C1GALT1: variants seen among roughly 807,000 people sequenced by gnomAD.
The protein encoded by C1GALT1 is core 1 synthase, glycoprotein-N-acetylgalactosamine 3-beta-galactosyltransferase 1.
In C1GALT1, 11 loss-of-function variants were observed where a neutral mutation model predicts 31.0. That is an observed-to-expected ratio of 0.36 (90% CI 0.22 to 0.59). C1GALT1 has a LOEUF of 0.59. C1GALT1 is among the 20% of genes least tolerant of loss of function. The probability of loss-of-function intolerance (pLI) is 0.79; values close to 1 mark genes in which losing one functional copy is unlikely to be tolerated. For synonymous variants in C1GALT1, 175 were observed against 143.6 expected, an observed-to-expected ratio of 1.22 and a Z score of -1.56; for missense variants, 424 against 425.2, an observed-to-expected ratio of 1.00 and a Z score of 0.03.
chr7:7,223,125 T>C (rs1782588177), intron 1 of C1GALT1, among the ~76,000 whole-genome samples: 1 of 152,158 alleles, frequency 6.6e-6, no homozygotes, highest in South Asian at 2.1e-4. Context: ...TCTGGGATAA[T>C]AACATTTCTG....
At chr7:7,208,480 T>A (rs570710182) in intron 1 of C1GALT1, among the ~76,000 whole-genome samples, 1 of 152,312 alleles carries the variant, frequency 6.6e-6, no homozygotes, top group South Asian at 2.1e-4. Flanking sequence ...AGTGAATTTC[T>A]ATTTTCCCTT....
intron 1 of C1GALT1, among the ~76,000 whole-genome samples, chr7:7,201,053 G>C (rs189946174): frequency 6.6e-6 from 1 of 152,244 alleles, no homozygotes; most frequent in African/African-American, 2.4e-5. Flanking sequence ...GCGAGGAGCT[G>C]CGTTCCTTTG....
chr7:7,195,845 G>A (rs768662522), intron 1 of C1GALT1, among the ~76,000 whole-genome samples: 7 of 152,034 alleles, frequency 4.6e-5, no homozygotes, highest in Non-Finnish European at 8.8e-5. Context: ...ATAAATTAGG[G>A]AACTCCAATG....
chr7:7,245,413 G>A lies in C1GALT1; in HGVS notation c.*1686G>A, dbSNP rs540802388. ...GGCTGGTCTTGAACTCCTGACCTCA[G>A]GTGATCCACCCACCTTGGCATCCCA... On this transcript the variant is annotated 3_prime_UTR_variant, in exon 4 of 4. Transcript: ENST00000436587. The A allele has an allele frequency of 6.6e-6, 1 of 152,320 alleles. No individual in the cohort carries two copies. Among genetic ancestry groups the A allele is most frequent in the South Asian group, 2.1e-4 (1 of 4,826 alleles). The allele number at this position is 152,320 out of a possible 1,614,324, so 9.4% of individuals were successfully genotyped here.
chr7:7,232,343 CT>C (rs1181846842), intron 1 of C1GALT1, among the ~76,000 whole-genome samples: 7 of 152,172 alleles, frequency 4.6e-5, no homozygotes, highest in African/African-American at 1.7e-4. Flanking sequence ...TTGGTTTGTA[CT>C]TTTGCTTTCA....
At chr7:7,239,259 A>G (rs1042691437) in intron 3 of C1GALT1, among the ~76,000 whole-genome samples, 18 of 152,352 alleles carry the variant, frequency 1.2e-4, no homozygotes, top group African/African-American at 4.3e-4. Context: ...GGATTTTAGT[A>G]GTAAGTGCCC....
chr7:7,203,419 G>C (rs1237450639), intron 1 of C1GALT1, among the ~76,000 whole-genome samples: 2 of 151,980 alleles, frequency 1.3e-5, no homozygotes, highest in Non-Finnish European at 2.9e-5. Context: ...AATTTTGTCA[G>C]ATACTTTTTC....
At chr7:7,176,714 A>T (rs1461699636) in intron 2 of C1GALT1, among the ~76,000 whole-genome samples, 1 of 152,046 alleles carries the variant, frequency 6.6e-6, no homozygotes, top group Admixed American at 6.6e-5. Flanking sequence ...CTCCATCTTA[A>T]CCCTATTCCT....
chr7:7,181,958 CCA>C (rs1780598628), upstream of C1GALT1, among the ~76,000 whole-genome samples: 1 of 152,154 alleles, frequency 6.6e-6, no homozygotes, highest in Non-Finnish European at 1.5e-5. Context: ...GCTCTTCCGG[CCA>C]TTGCCCCACA....
chr7:7,200,591 T>C (rs1334101309), intron 1 of C1GALT1, among the ~76,000 whole-genome samples: 1 of 152,196 alleles, frequency 6.6e-6, no homozygotes. Context: ...TGAAGAGTGT[T>C]TTCCAGCTTG....
chr7:7,218,181 GC>G (rs1249375804), intron 1 of C1GALT1, among the ~76,000 whole-genome samples: 1 of 152,130 alleles, frequency 6.6e-6, no homozygotes, highest in African/African-American at 2.4e-5. Context: ...ACAAAATCAG[GC>G]CAGGCACTCC....
intron 1 of C1GALT1, among the ~76,000 whole-genome samples, chr7:7,199,965 G>A (rs994809565): frequency 1.3e-5 from 2 of 152,146 alleles, no homozygotes; most frequent in Non-Finnish European, 2.9e-5. Flanking sequence ...CCTGAATACA[G>A]CACACTGATG....
In C1GALT1 at chr7:7,247,060, A is replaced by C. The variant is rs528821933; in HGVS notation, c.*3333A>C. ...AGTACATAATTTATTAAAAACATAC[A>C]TAAGTGTCATCAAAAAGGTCCACAA... is the stretch of plus-strand genomic sequence containing the variant. On this transcript the variant is annotated 3_prime_UTR_variant, in exon 4 of 4. Coordinates refer to ENST00000436587, the MANE Select transcript of C1GALT1 (RefSeq NM_020156.5). The C allele has an allele frequency of 1.5e-4, 23 of 152,316 alleles. No individual in the cohort carries two copies. Among genetic ancestry groups the C allele is most frequent in the African/African-American group, 5.3e-4 (22 of 41,580 alleles). The allele number at this position is 152,316 out of a possible 1,614,324, so 9.4% of individuals were successfully genotyped here.
chr7:7,214,972 C>T (rs141626841), intron 1 of C1GALT1, among the ~76,000 whole-genome samples: 121 of 152,268 alleles, frequency 7.9e-4, no homozygotes, highest in African/African-American at 2.8e-3. Context: ...GTAAACCCTG[C>T]CTCTGATGGA....
intron 1 of C1GALT1, among the ~76,000 whole-genome samples, chr7:7,228,420 A>G (rs546643787): frequency 6.6e-6 from 1 of 152,342 alleles, no homozygotes; most frequent in East Asian, 1.9e-4. Context: ...CTTGGCATAA[A>G]GAACTTCCCC....
In C1GALT1 at chr7:7,238,001, T is replaced by G. The variant is rs554792846; in HGVS notation, c.221-254T>G. Among the ~76,000 whole-genome samples the G allele has an allele frequency of 6.6e-6, 1 of 152,286 alleles. No individual in the cohort carries two copies. The highest frequency in any genetic ancestry group is 1.5e-5 in the Non-Finnish European group (1 of 68,012). ...ATGCTGCTGCTTTTAATCAGTAAAC[T>G]ACAGTTTGAGACGAATTTAGATTAT... On this transcript the variant is annotated intron_variant, in intron 2 of 3. Coordinates refer to ENST00000436587, the MANE Select transcript of C1GALT1 (RefSeq NM_020156.5). The surrounding 1 kb of genome is among the most constrained non-coding windows in gnomAD (Gnocchi z 5.2).
upstream of C1GALT1, among the ~76,000 whole-genome samples, chr7:7,179,629 G>T (rs905810808): frequency 6.6e-6 from 1 of 152,082 alleles, no homozygotes; most frequent in Admixed American, 6.6e-5. Context: ...AATTGCATTT[G>T]ATACTTACAA....
chr7:7,160,082 T>C (rs1780318401), intron 2 of C1GALT1, among the ~76,000 whole-genome samples: 1 of 152,140 alleles, frequency 6.6e-6, no homozygotes, highest in Non-Finnish European at 1.5e-5. Flanking sequence ...TAGTTAAATT[T>C]CCTGATTCTT....
intron 2 of C1GALT1, among the ~76,000 whole-genome samples, chr7:7,170,998 T>A (rs1176716959): frequency 6.6e-6 from 1 of 152,214 alleles, no homozygotes; most frequent in Non-Finnish European, 1.5e-5. Flanking sequence ...TTCAACTTTT[T>A]AAAATTTATT....
Sources: allele counts gnomAD v4.1 joint callset (sites outside exome capture counted in the v4.1 genomes callset), GRCh38; gene constraint gnomAD v4.1.1; non-coding constraint Gnocchi (gnomAD v3.1); transcripts MANE v1.5; gene names NCBI Gene and HGNC (gene_info 2026-07-23, HGNC 2026-07-21).